HMGN1: variants seen among roughly 807,000 people sequenced by gnomAD.
HMGN1 encodes the protein high mobility group nucleosome binding domain 1, also known as non-histone chromosomal protein HMG-14.
Under a neutral mutation model 18.4 loss-of-function variants are expected in HMGN1, and 9 were observed. The observed-to-expected ratio is 0.49, with a 90% CI of 0.29 to 0.85. The LOEUF is 0.85. HMGN1 is among the 40% of genes least tolerant of loss of function. The pLI is 0.07. For missense variants in HMGN1, 151 were observed against 119.2 expected (o/e 1.27, Z -1.24); for synonymous variants, 59 against 45.0 (o/e 1.31, Z -1.24).
At chr21:39,344,225 C>A (rs2036961943) in intron 5 of HMGN1, among the ~76,000 whole-genome samples, 1 of 137,408 alleles carries the variant, frequency 7.3e-6, no homozygotes, top group Admixed American at 7.8e-5. Context: ...CACTGCACTC[C>A]AGCTTGGGCA....
At chr21:39,348,039 T>C in intron 4 of HMGN1, 2 of 1,084,678 alleles carry the variant, frequency 1.8e-6, no homozygotes, top group Non-Finnish European at 2.5e-6. Context: ...TAAATTTCCT[T>C]TGTAGACTTA....
rs1170809255 is a variant in HMGN1, at chr21:39,348,719, C to G, written c.16-142G>C. ...CGAATAGCCCCCTCAGCTCCCCCGGCCGCCAAACGTTCCAGAACGCCCGCC... is the reference window on the plus strand; with the variant it reads ...CGAATAGCCCCCTCAGCTCCCCCGGGCGCCAAACGTTCCAGAACGCCCGCC... On this transcript the variant is annotated intron_variant, in intron 1 of 5. Coordinates refer to ENST00000380749, the MANE Select transcript of HMGN1 (RefSeq NM_004965.7). The G allele has an allele frequency of 6.9e-6, 8 of 1,164,916 alleles. No individual in the cohort carries two copies. The Admixed American group carries it at 1.8e-4, about 26-fold the overall frequency. The allele number at this position is 1,164,916 out of a possible 1,614,324, so 72.2% of individuals were successfully genotyped here. A position where few individuals can be genotyped will look rare whatever the true frequency, so the allele number is the denominator to read the frequency against.
chr21:39,343,242 G>A (rs2036926331), intron 5 of HMGN1, 83 bp from the exon 6 acceptor site: 4 of 1,331,920 alleles, frequency 3.0e-6, no homozygotes, highest in East Asian at 2.3e-5. Flanking sequence ...CTTTAAAAAA[G>A]TCAATAACCT....
In HMGN1 at chr21:39,349,076, G is replaced by A. The variant is rs1014025625; in HGVS notation, c.-159C>T. ...TGCTGAGACCCACAGCGGGGGCGGT[G>A]GGAGAACCGGATGGAACCGGATTGG... On this transcript the variant is annotated 5_prime_UTR_variant, in exon 1 of 6. Transcript: ENST00000380749. 3.3e-5 allele frequency: 28 copies of A among 839,154 alleles called. No homozygotes were observed. The African/African-American group carries it at 3.8e-4, about 11-fold the overall frequency. 52.0% of individuals were successfully genotyped at this position (839,154 alleles called of 1,614,324 possible). A position where few individuals can be genotyped will look rare whatever the true frequency, so the allele number is the denominator to read the frequency against.
chr21:39,348,123 C>G (rs1194778609), intron 4 of HMGN1, 169 bp downstream of exon 4: 2 of 934,086 alleles, frequency 2.1e-6, no homozygotes, highest in South Asian at 3.4e-5. Flanking sequence ...TTCTATAAAC[C>G]AGGATGAATA....
chr21:39,346,191 G>A (rs2037048015), intron 4 of HMGN1: 2 of 350,830 alleles, frequency 5.7e-6, no homozygotes, highest in South Asian at 4.4e-5. Flanking sequence ...GAATTAAAGG[G>A]CCATAAAGAC....
In HMGN1 at chr21:39,348,585, G is replaced by A. The variant is rs754998681; in HGVS notation, c.16-8C>T. On this transcript the variant is annotated splice_region_variant and splice_polypyrimidine_tract_variant and intron_variant, in intron 1 of 5. Coordinates refer to ENST00000380749, the MANE Select transcript of HMGN1 (RefSeq NM_004965.7). ...GCCTTCGGCGGAGCTGACCTGCGGA[G>A]ACGGAGACGCACGAATAGAGGCGGG... 4.0e-5 allele frequency: 64 copies of A among 1,597,716 alleles called. No homozygotes were observed. Among genetic ancestry groups the A allele is most frequent in the Non-Finnish European group, 5.5e-5 (64 of 1,173,256 alleles).
Position 39,348,466 on chromosome 21 carries a change from A to C in HMGN1, c.49-15T>G, listed in dbSNP as rs771079119. ...CTCCTCTTGGGCTTGGAGAAAGAAA[A>C]AGGAGAGTCAGCGAGAAGAGAAGGC... On this transcript the variant is annotated splice_polypyrimidine_tract_variant and intron_variant, in intron 2 of 5. Coordinates refer to ENST00000380749, the MANE Select transcript of HMGN1 (RefSeq NM_004965.7). 2 of 1,614,056 alleles carry C rather than the reference A, an allele frequency of 1.2e-6. No individual in the cohort carries two copies. Among genetic ancestry groups the C allele is most frequent in the South Asian group, 2.2e-5 (2 of 91,078 alleles).
intron 5 of HMGN1, among the ~76,000 whole-genome samples, chr21:39,344,344 A>G (rs979924651): frequency 6.6e-6 from 1 of 152,124 alleles, no homozygotes; most frequent in Non-Finnish European, 1.5e-5. Context: ...TAACTTAGGA[A>G]TAAGTAGTTT....
At position 39,347,980 on chromosome 21, in the gene HMGN1, G is replaced by T. The variant is rs984455035; in HGVS notation, c.126+312C>A. On this transcript the variant is annotated intron_variant, in intron 4 of 5. Transcript: ENST00000380749. Reference sequence around the variant, plus strand: ...TTTATTGTCAAAAAAGGAAGTACAAGCACGAATTAAAAGCCAAGCACCAGC... The same window carrying T: ...TTTATTGTCAAAAAAGGAAGTACAATCACGAATTAAAAGCCAAGCACCAGC... 3.2e-5 allele frequency: 41 copies of T among 1,262,510 alleles called. 2 individuals carry two copies. The Middle Eastern group carries it at 9.5e-4, about 29-fold the overall frequency. The allele number at this position is 1,262,510 out of a possible 1,614,324, so 78.2% of individuals were successfully genotyped here.
intron 4 of HMGN1, chr21:39,345,984 C>T (rs1416919745): frequency 7.8e-7 from 1 of 1,285,042 alleles, no homozygotes; most frequent in Non-Finnish European, 1.0e-6. Flanking sequence ...ATTAATATGA[C>T]CATACTAACT....
In HMGN1 at chr21:39,348,556, C is replaced by T; in HGVS notation, c.37G>A (p.Ala13Thr). 1.2e-6 allele frequency: 2 copies of T among 1,608,652 alleles called. No homozygotes were observed. Among genetic ancestry groups the T allele is most frequent in the Non-Finnish European group, 1.7e-6 (2 of 1,177,124 alleles). The change falls in exon 2 of 6, where the codon GCC becomes ACC. Residue 13 changes from alanine (A) to threonine (T), a missense_variant. By Grantham distance (58) the Ala-to-Thr change is moderately conservative. Coordinates refer to ENST00000380749, the MANE Select transcript of HMGN1 (RefSeq NM_004965.7). ...KRKVSSAEGA[A>T]KEEPKRRSAR... ...AGGCCCGCACTCACCTCTTCCTTGGCGGCGCCTTCGGCGGAGCTGACCTGC... is the reference window on the plus strand; with the variant it reads ...AGGCCCGCACTCACCTCTTCCTTGGTGGCGCCTTCGGCGGAGCTGACCTGC...
intron 4 of HMGN1, chr21:39,346,379 C>A: frequency 6.0e-6 from 1 of 165,328 alleles, no homozygotes; most frequent in Non-Finnish European, 1.3e-5. Flanking sequence ...ATTGCTATCA[C>A]AAAGTTTCAC....
At chr21:39,348,817 G>A in intron 1 of HMGN1, 86 bp downstream of exon 1, 1 of 1,048,580 alleles carries the variant, frequency 9.5e-7, no homozygotes, top group African/African-American at 1.7e-5. Context: ...GCCACCGTGG[G>A]TGCAACGGGG....
In HMGN1 at chr21:39,342,953, T is replaced by G; in HGVS notation, c.*159A>C. 1 of 1,285,516 alleles carries G rather than the reference T, an allele frequency of 7.8e-7. No individual in the cohort carries two copies. The highest frequency in any genetic ancestry group is 1.1e-6 in the Non-Finnish European group (1 of 920,998). 79.6% of individuals were successfully genotyped at this position (1,285,516 alleles called of 1,614,324 possible). A position where few individuals can be genotyped will look rare whatever the true frequency, so the allele number is the denominator to read the frequency against. On this transcript the variant is annotated 3_prime_UTR_variant, in exon 6 of 6. Transcript: ENST00000380749. ...GATTTCACCTCTTAAAAAAAAGCAT[T>G]TACACTTAAAAAATGGGATGAGGTG...
At chr21:39,345,887 T>G in intron 4 of HMGN1, 2 of 1,302,794 alleles carry the variant, frequency 1.5e-6, no homozygotes, top group Non-Finnish European at 2.0e-6. Context: ...AGTTAATCCC[T>G]TCATATCATA....
Position 39,348,533 on chromosome 21 carries a change from G to GC in HMGN1, c.48+11dup, listed in dbSNP as rs148136835. On this transcript the variant is annotated intron_variant, in intron 2 of 5. Coordinates refer to ENST00000380749, the MANE Select transcript of HMGN1 (RefSeq NM_004965.7). Reference sequence around the variant, plus strand: ...GGAAACCCACCACCCCCCGCAGAAGGCCCGCACTCACCTCTTCCTTGGCGG... The same window carrying GC: ...GGAAACCCACCACCCCCCGCAGAAGGCCCCGCACTCACCTCTTCCTTGGCGG... 6,817 of 1,613,180 alleles carry GC rather than the reference G, an allele frequency of 4.2e-3. 238 individuals are homozygous for GC. The African/African-American group carries it at 0.08, about 19-fold the overall frequency.
At chr21:39,343,831 A>G (rs989137185) in intron 5 of HMGN1, among the ~76,000 whole-genome samples, 1 of 152,240 alleles carries the variant, frequency 6.6e-6, no homozygotes, top group Admixed American at 6.5e-5. Context: ...TTAATAGAAC[A>G]CAGCTATAAA....
chr21:39,345,936 T>C lies in HMGN1; in HGVS notation c.127-662A>G, dbSNP rs1225803577. 4.6e-6 allele frequency: 6 copies of C among 1,301,902 alleles called. No individual in the cohort carries two copies. In the East Asian group the frequency reaches 1.7e-4, roughly 36 times the overall value. The allele number at this position is 1,301,902 out of a possible 1,614,324, so 80.6% of individuals were successfully genotyped here. A position where few individuals can be genotyped will look rare whatever the true frequency, so the allele number is the denominator to read the frequency against. ...AAAGGATCAGTTTTGAATTTATCAC[T>C]TTCATTTAGGTGTTTGAAGAATCTG... On this transcript the variant is annotated intron_variant, in intron 4 of 5. Coordinates refer to ENST00000380749, the MANE Select transcript of HMGN1 (RefSeq NM_004965.7).
Sources: gnomAD v4.1 joint callset for allele counts (sites outside exome capture counted in the v4.1 genomes callset) on GRCh38, gnomAD v4.1.1 for gene constraint, MANE v1.5 for transcripts, NCBI Gene and HGNC (gene_info 2026-07-23, HGNC 2026-07-21) for gene names.